The following AKAP19 variants were observed in gnomAD, a reference collection of about 807,000 sequenced individuals.
AKAP19 encodes the protein small A-kinase anchoring protein.
chr2:190,052,787 G>T, the AKAP19 span, among the ~76,000 whole-genome samples: 1 of 152,198 alleles, frequency 6.6e-6, no homozygotes, highest in Non-Finnish European at 1.5e-5. Flanking sequence ...TACATTTTTG[G>T]TTTAAAGTTA....
chr2:189,888,517 T>C, the AKAP19 span, among the ~76,000 whole-genome samples: 2 of 152,236 alleles, frequency 1.3e-5, no homozygotes, highest in Admixed American at 6.5e-5. Context: ...ATTGAATCTA[T>C]AAATTACTTT....
the AKAP19 span, among the ~76,000 whole-genome samples, chr2:189,931,365 A>G: frequency 6.6e-6 from 1 of 152,128 alleles, no homozygotes; most frequent in South Asian, 2.1e-4. Flanking sequence ...CAATATTGTT[A>G]TTATTATTAT....
At chr2:189,923,764 G>A in the AKAP19 span, 1 of 1,613,464 alleles carries the variant, frequency 6.2e-7, no homozygotes, top group South Asian at 1.1e-5. Flanking sequence ...TAGTGCCCTC[G>A]AAACGTCAGC....
the AKAP19 span, among the ~76,000 whole-genome samples, chr2:190,084,644 C>T: frequency 6.6e-6 from 1 of 152,084 alleles, no homozygotes; most frequent in Non-Finnish European, 1.5e-5. Context: ...AACTGACATC[C>T]CTTCTTCTAA....
the AKAP19 span, chr2:190,180,482 T>G: frequency 0.014 from 13,836 of 985,538 alleles, 279 homozygotes; most frequent in East Asian, 0.11. This position sits in a 1 kb window ranked among gnomAD's most constrained non-coding sequence, Gnocchi z 6.8. Flanking sequence ...TGGCTCTTAC[T>G]TTCATTGACC....
chr2:190,114,243 A>G, the AKAP19 span, among the ~76,000 whole-genome samples: 9 of 152,224 alleles, frequency 5.9e-5, no homozygotes, highest in Non-Finnish European at 1.3e-4. Flanking sequence ...GTTTATTTGT[A>G]GTAATTTCTC....
At chr2:189,886,287 A>G in the AKAP19 span, among the ~76,000 whole-genome samples, 2 of 152,140 alleles carry the variant, frequency 1.3e-5, no homozygotes, top group Non-Finnish European at 2.9e-5. Flanking sequence ...AACAATTAAT[A>G]TACTTTATTG....
At chr2:190,152,019 A>C in the AKAP19 span, among the ~76,000 whole-genome samples, 17,034 of 148,662 alleles carry the variant, frequency 0.11, 1,063 homozygotes, top group Middle Eastern at 0.15. Context: ...CAACAACAAA[A>C]AAAAAAAACA....
the AKAP19 span, among the ~76,000 whole-genome samples, chr2:190,113,603 G>A: frequency 6.6e-6 from 1 of 152,172 alleles, no homozygotes; most frequent in Non-Finnish European, 1.5e-5. Context: ...GATAAACCAA[G>A]AAGTGCAGAG....
At chr2:190,007,847 A>T in the AKAP19 span, among the ~76,000 whole-genome samples, 2 of 152,142 alleles carry the variant, frequency 1.3e-5, no homozygotes, top group Non-Finnish European at 2.9e-5. Context: ...CTGTAATCCC[A>T]GCTACTTGGG....
chr2:190,197,393 T>TAAG, the AKAP19 span, among the ~76,000 whole-genome samples: 1 of 152,192 alleles, frequency 6.6e-6, no homozygotes, highest in Admixed American at 6.5e-5. The surrounding 1 kb of genome is among the most constrained non-coding windows in gnomAD (Gnocchi z 4.0). Flanking sequence ...GTTCAACTCT[T>TAAG]AAGTCCTAGA....
chr2:189,952,431 T>G, the AKAP19 span, among the ~76,000 whole-genome samples: 1 of 145,066 alleles, frequency 6.9e-6, no homozygotes, highest in Admixed American at 6.7e-5. Context: ...AATCATATCA[T>G]TTTTTTTTTC....
chr2:189,985,752 C>T, the AKAP19 span, among the ~76,000 whole-genome samples: 1 of 152,150 alleles, frequency 6.6e-6, no homozygotes, highest in Non-Finnish European at 1.5e-5. Context: ...CTGTGCTGTA[C>T]CAAATTTCTG....
At chr2:189,950,816 G>C in the AKAP19 span, among the ~76,000 whole-genome samples, 1 of 152,142 alleles carries the variant, frequency 6.6e-6, no homozygotes, top group East Asian at 1.9e-4. Flanking sequence ...TTGAGAAAAG[G>C]ATTGAGATCT....
the AKAP19 span, among the ~76,000 whole-genome samples, chr2:190,020,438 A>G: frequency 1.8e-4 from 27 of 152,300 alleles, no homozygotes; most frequent in African/African-American, 6.5e-4. Context: ...TCAACTTCTC[A>G]TGAACAATTT....
the AKAP19 span, among the ~76,000 whole-genome samples, chr2:190,118,753 C>T: frequency 6.6e-6 from 1 of 152,176 alleles, no homozygotes; most frequent in Non-Finnish European, 1.5e-5. Flanking sequence ...AAACCCACAG[C>T]CAATATCATA....
chr2:190,187,562 A>G, the AKAP19 span, among the ~76,000 whole-genome samples: 3 of 152,114 alleles, frequency 2.0e-5, no homozygotes, highest in East Asian at 5.8e-4. Context: ...TACAAAATGA[A>G]CTATAAAGAA....
the AKAP19 span, among the ~76,000 whole-genome samples, chr2:190,025,521 T>G: frequency 1.3e-5 from 2 of 152,228 alleles, no homozygotes; most frequent in Non-Finnish European, 2.9e-5. Flanking sequence ...CAGAAAAGTT[T>G]CATCATCCTA....
the AKAP19 span, among the ~76,000 whole-genome samples, chr2:189,911,008 A>G: frequency 2.6e-5 from 4 of 152,048 alleles, no homozygotes; most frequent in South Asian, 2.1e-4. Flanking sequence ...ATTTCTTTCT[A>G]TGGATTTACA....
Sources: gnomAD v4.1 joint callset for allele counts (sites outside exome capture counted in the v4.1 genomes callset) on GRCh38, gnomAD v4.1.1 for gene constraint, Gnocchi (gnomAD v3.1) non-coding constraint, MANE v1.5 for transcripts, NCBI Gene and HGNC (gene_info 2026-07-23, HGNC 2026-07-21) for gene names.